RNF14: variants seen among roughly 807,000 people sequenced by gnomAD.
RNF14 encodes the protein ring finger protein 14, also known as E3 ubiquitin-protein ligase RNF14.
RNF14 carries 26 observed loss-of-function variants against 52.6 expected under a neutral mutation model. The ratio of observed to expected loss-of-function variants is 0.49; its 90% confidence interval spans 0.36 to 0.69. The LOEUF (loss-of-function observed/expected upper bound fraction) is 0.69. Among genes scored for constraint, RNF14 ranks in the 30% least tolerant of loss-of-function variants. RNF14 has a pLI of 0.00. For synonymous variants in RNF14, 194 were observed against 202.0 expected (o/e 0.96, Z 0.34); for missense variants, 404 against 560.4 (o/e 0.72, Z 2.82).
intron 2 of RNF14, 67 bp downstream of exon 2, chr5:141,970,944 A>G (rs1422279946): frequency 1.3e-5 from 2 of 152,400 alleles, no homozygotes; most frequent in Non-Finnish European, 2.9e-5. Context: ...AAGCAGAGCC[A>G]TGAACTAACA....
chr5:141,988,883 A>G lies in RNF14; in HGVS notation c.*1093A>G, dbSNP rs934600246. 3 of 152,332 alleles carry G rather than the reference A, an allele frequency of 2.0e-5. No individual in the cohort carries two copies. Among genetic ancestry groups the G allele is most frequent in the African/African-American group, 7.2e-5 (3 of 41,448 alleles). The allele number at this position is 152,332 out of a possible 1,614,324, so 9.4% of individuals were successfully genotyped here. ...CTTTGCAACAGCAGTGTTCTGGGTG[A>G]TAATTTTGAATTGATACCTGTTCCT... is the stretch of plus-strand genomic sequence containing the variant. On this transcript the variant is annotated 3_prime_UTR_variant, in exon 9 of 9. Coordinates refer to ENST00000394520, the MANE Select transcript of RNF14 (RefSeq NM_004290.5).
upstream of RNF14, chr5:141,955,402 T>G (rs1753161833): frequency 6.2e-7 from 1 of 1,613,728 alleles, no homozygotes; most frequent in Admixed American, 1.7e-5. The surrounding 1 kb of genome is among the most constrained non-coding windows in gnomAD (Gnocchi z 5.5). Flanking sequence ...CGGGGTGAGG[T>G]GGAAGGGGGC....
upstream of RNF14, among the ~76,000 whole-genome samples, chr5:141,954,084 G>A (rs550656315): frequency 6.6e-6 from 1 of 150,888 alleles, no homozygotes; most frequent in African/African-American, 2.4e-5. Context: ...GCAGACACAG[G>A]GTAAGTTTGG....
upstream of RNF14, chr5:141,956,034 A>G (rs1238210393): frequency 6.2e-7 from 1 of 1,613,828 alleles, no homozygotes; most frequent in African/African-American, 1.3e-5. Flanking sequence ...TGGCCAGTGG[A>G]GGTGTGTCAG....
At chr5:141,956,993 T>C (rs1208637040), upstream of RNF14, 3 of 1,614,086 alleles carry the variant, frequency 1.9e-6, no homozygotes, top group Non-Finnish European at 2.5e-6. Flanking sequence ...TCTGGAGGCA[T>C]GTGCTTACTG....
rs1370826248 is a variant in RNF14, at chr5:141,989,089, T to A, written c.*1299T>A. 1 of 152,292 alleles carries A rather than the reference T, an allele frequency of 6.6e-6. No homozygotes were observed. Among genetic ancestry groups the A allele is most frequent in the Non-Finnish European group, 1.5e-5 (1 of 68,022 alleles). The allele number at this position is 152,292 out of a possible 1,614,324, so 9.4% of individuals were successfully genotyped here. The stretch of plus-strand genomic sequence containing the variant: ...AGGAATCACTTTTAACTGTTTTAGG[T>A]GTGTGTGTCCAGAGTGAGCAAGGAT... On this transcript the variant is annotated 3_prime_UTR_variant, in exon 9 of 9. Transcript: ENST00000394520.
the RNF14 span, chr5:141,951,489 T>C: frequency 6.2e-7 from 1 of 1,613,296 alleles, no homozygotes; most frequent in Non-Finnish European, 8.5e-7. Flanking sequence ...TACGTGCTGC[T>C]TACCTGCTGC....
At chr5:141,975,798 C>T (rs1345685868) in intron 4 of RNF14, among the ~76,000 whole-genome samples, 1 of 151,930 alleles carries the variant, frequency 6.6e-6, no homozygotes, top group Non-Finnish European at 1.5e-5. Context: ...GGTGGTGCGT[C>T]CCTGTAATCC....
upstream of RNF14, chr5:141,957,306 C>G (rs769226373): frequency 9.3e-6 from 15 of 1,613,238 alleles, no homozygotes; most frequent in East Asian, 3.3e-4. This position sits in a 1 kb window ranked among gnomAD's most constrained non-coding sequence, Gnocchi z 4.3. Flanking sequence ...CAATGACATC[C>G]AAGGCAAAGT....
chr5:141,987,691 T>A (rs368646575), intron 8 of RNF14, 42 bp from the exon 9 acceptor site: 76 of 1,587,688 alleles, frequency 4.8e-5, no homozygotes, highest in Non-Finnish European at 6.0e-5. Flanking sequence ...TTATATTGTT[T>A]CGTTCAAGTG....
chr5:141,949,922 T>G, the RNF14 span, among the ~76,000 whole-genome samples: 1 of 152,142 alleles, frequency 6.6e-6, no homozygotes, highest in South Asian at 2.1e-4. Flanking sequence ...TCGTTGCCCC[T>G]CCCATGTCTA....
At chr5:141,954,824 G>A (rs1035773150), upstream of RNF14, 2 of 1,058,616 alleles carry the variant, frequency 1.9e-6, no homozygotes, top group Non-Finnish European at 2.7e-6. Context: ...ACAAAGCTGT[G>A]CCCTGAACCA....
At chr5:141,956,670 G>A, upstream of RNF14, 1 of 1,614,210 alleles carries the variant, frequency 6.2e-7, no homozygotes, top group Non-Finnish European at 8.5e-7. Flanking sequence ...CCAGCTCTTG[G>A]CTCAGCCAGC....
At chr5:141,954,981 A>G (rs779117992), upstream of RNF14, 1 of 1,611,620 alleles carries the variant, frequency 6.2e-7, no homozygotes, top group African/African-American at 1.3e-5. Context: ...CCTGAACAGG[A>G]GGAGAATCCA....
At chr5:141,971,571 C>T (rs867216580) in intron 2 of RNF14, among the ~76,000 whole-genome samples, 2 of 3,258 alleles carry the variant, frequency 6.1e-4, no homozygotes, top group African/African-American at 3.5e-3. Flanking sequence ...CTTTTTCTTT[C>T]TTTCTTTCTT....
upstream of RNF14, among the ~76,000 whole-genome samples, chr5:141,965,109 T>A (rs2126942110): frequency 6.6e-6 from 1 of 152,288 alleles, no homozygotes; most frequent in East Asian, 1.9e-4. Context: ...GGCAGGGTTT[T>A]CCTCTCCACA....
At chr5:141,983,312 C>A in intron 6 of RNF14, 68 bp from the exon 7 acceptor site, 1 of 1,227,548 alleles carries the variant, frequency 8.1e-7, no homozygotes, top group Non-Finnish European at 1.2e-6. Context: ...AGATTATAGC[C>A]ATTTTTAATG....
At chr5:141,981,863 A>AG (rs201489382) in intron 6 of RNF14, among the ~76,000 whole-genome samples, 2,323 of 151,996 alleles carry the variant, frequency 0.015, 24 homozygotes, top group African/African-American at 0.032. Flanking sequence ...AAAAAAAAAA[A>AG]AGAGGAAAAA....
upstream of RNF14, chr5:141,957,006 G>A: frequency 6.2e-7 from 1 of 1,614,190 alleles, no homozygotes; most frequent in Non-Finnish European, 8.5e-7. This position sits in a 1 kb window ranked among gnomAD's most constrained non-coding sequence, Gnocchi z 4.3. Context: ...GCTTACTGAG[G>A]AAGAACTCCA....
Sources: gnomAD v4.1 joint callset for allele counts (sites outside exome capture counted in the v4.1 genomes callset) on GRCh38, gnomAD v4.1.1 for gene constraint, Gnocchi (gnomAD v3.1) non-coding constraint, MANE v1.5 for transcripts, NCBI Gene and HGNC (gene_info 2026-07-23, HGNC 2026-07-21) for gene names.